SZT2: variants seen among roughly 807,000 people sequenced by gnomAD.
SZT2 encodes KICSTOR complex protein SZT2.
In SZT2, 216 loss-of-function variants were observed where a neutral mutation model predicts 404.2. The ratio of observed to expected loss-of-function variants is 0.53; its 90% CI spans 0.48 to 0.60. The LOEUF is 0.60. Ranked by LOEUF, SZT2 falls within the 20% of genes least tolerant of loss-of-function variation. SZT2 has a pLI of 0.00. For synonymous variants in SZT2, 1,693 were observed against 1,749.9 expected, an observed-to-expected ratio of 0.97 and a Z score of 0.81; for missense variants, 3,857 against 4,459.2, an observed-to-expected ratio of 0.86 and a Z score of 3.85.
At position 43,426,090 on chromosome 1, in the gene SZT2, C is replaced by A. The variant is rs760941623; in HGVS notation, c.2982C>A (p.Asp994Glu). ...TCVHEIPFHFDLMGLLPQCQQ... is the reference protein window; with the variant it reads ...TCVHEIPFHFELMGLLPQCQQ... ...TCCATGAGATCCCTTTCCATTTTGA[C>A]CTAATGGGATTGCTGCCACAGTGCC... The change falls in exon 21 of 72, where the codon GAC (aspartate) becomes GAA (glutamate). Residue 994 changes from aspartate (D) to glutamate (E), a missense_variant. Physicochemically the swap from Asp to Glu is conservative, Grantham distance 45 (BLOSUM62 2). Transcript: ENST00000634258. The surrounding 1 kb of genome is among the most constrained non-coding windows in gnomAD (Gnocchi z 4.9). 2.5e-6 allele frequency: 4 copies of A among 1,614,154 alleles called. No individual in the cohort carries two copies.
At chr1:43,446,781 A>G (rs1360017546) in intron 65 of SZT2, 174 bp from the exon 66 acceptor site, 2 of 672,674 alleles carry the variant, frequency 3.0e-6, no homozygotes, top group African/African-American at 3.6e-5. Context: ...CAGTATGAAA[A>G]AGGGAGGCTA....
Position 43,437,126 on chromosome 1 carries a change from G to T in SZT2, c.6035-45G>T, listed in dbSNP as rs748264075. 2.5e-6 allele frequency: 4 copies of T among 1,607,746 alleles called. No individual in the cohort carries two copies. Among genetic ancestry groups the T allele is most frequent in the African/African-American group, 1.3e-5 (1 of 74,886 alleles). On this transcript the variant is annotated intron_variant, in intron 42 of 71. Transcript: ENST00000634258. This position sits in a 1 kb window ranked among gnomAD's most constrained non-coding sequence, Gnocchi z 5.3. ...CCAGGTGAGAAGTCTGTGGAGGGCA[G>T]AGGGTGGTGTGTCCCATTTCTAATC...
In SZT2 at chr1:43,404,509, A is replaced by G; in HGVS notation, c.457A>G (p.Ile153Val). 6.2e-7 allele frequency: 1 copy of G among 1,613,886 alleles called. No individual in the cohort carries two copies. Among genetic ancestry groups the G allele is most frequent in the Admixed American group, 1.7e-5 (1 of 60,010 alleles). Reference sequence around the variant, plus strand: ...CTTCCAGCCTGAGATCTATGTAACTATCCAGGCCTACTCCTCCATCATTGG... The same window carrying G: ...CTTCCAGCCTGAGATCTATGTAACTGTCCAGGCCTACTCCTCCATCATTGG... ...IDFQPEIYVT[I>V]QAYSSIIGLQ... Residue 153 changes from isoleucine (I) to valine (V), a missense_variant, in exon 4 of 72, where the codon ATC becomes GTC. By Grantham distance (29) the Ile-to-Val change is conservative. Transcript: ENST00000634258.
intron 36 of SZT2, among the ~76,000 whole-genome samples, 181 bp downstream of exon 36, chr1:43,432,082 C>T (rs1653962607): frequency 6.6e-6 from 1 of 152,216 alleles, no homozygotes; most frequent in South Asian, 2.1e-4. Flanking sequence ...TGGAAAGAAA[C>T]CCAGCTCCCA....
chr1:43,452,524 C>T lies in SZT2; in HGVS notation c.*2044C>T. On this transcript the variant is annotated 3_prime_UTR_variant, in exon 72 of 72. Coordinates refer to ENST00000634258, the MANE Select transcript of SZT2 (RefSeq NM_001365999.1). ...GCCCTTTCCCAGACATCTCAGTGTC[C>T]ACCCACCGCCTCCTGCCTCCAGTAC... 2 of 666,250 alleles carry T rather than the reference C, an allele frequency of 3.0e-6. No homozygotes were observed. Among genetic ancestry groups the T allele is most frequent in the South Asian group, 3.2e-5 (2 of 61,550 alleles). The allele number at this position is 666,250 out of a possible 1,614,324, so 41.3% of individuals were successfully genotyped here.
At chr1:43,417,225 G>A (rs988170287) in intron 7 of SZT2, among the ~76,000 whole-genome samples, 1 of 152,162 alleles carries the variant, frequency 6.6e-6, no homozygotes, top group Admixed American at 6.5e-5. Flanking sequence ...GGGGGAAGTC[G>A]GGGAGGCTAC....
At chr1:43,443,300 A>G in intron 60 of SZT2, 33 bp downstream of exon 60, 1 of 1,614,088 alleles carries the variant, frequency 6.2e-7, no homozygotes. Flanking sequence ...TTCCTTGAGT[A>G]TCTGTGATCC....
Position 43,450,542 on chromosome 1 carries a change from G to C in SZT2, c.*62G>C. ...GAATCATGGGCCTACCAGATTGCCT[G>C]CCAGAGGCAGGACTGACCAGCCCTT... On this transcript the variant is annotated 3_prime_UTR_variant, in exon 72 of 72. Coordinates refer to ENST00000634258, the MANE Select transcript of SZT2 (RefSeq NM_001365999.1). The surrounding 1 kb of genome is among the most constrained non-coding windows in gnomAD (Gnocchi z 4.3). 6.2e-7 allele frequency: 1 copy of C among 1,604,278 alleles called. No homozygotes were observed. Among genetic ancestry groups the C allele is most frequent in the Non-Finnish European group, 8.5e-7 (1 of 1,174,198 alleles).
At chr1:43,422,972 A>G (rs1652593589) in intron 14 of SZT2, 89 bp downstream of exon 14, 1 of 1,479,232 alleles carries the variant, frequency 6.8e-7, no homozygotes, top group Non-Finnish European at 9.1e-7. Context: ...CAGGTCTAAT[A>G]GAGGGAGGAG....
chr1:43,429,987 A>C, intron 29 of SZT2, 24 bp from the exon 30 acceptor site: 1 of 1,613,696 alleles, frequency 6.2e-7, no homozygotes, highest in Admixed American at 1.7e-5. Flanking sequence ...TGACATTCTA[A>C]CCTCCTTCTA....
chr1:43,437,615 G>T lies in SZT2; in HGVS notation c.6311G>T (p.Ser2104Ile). ...YYLRLLETSC[S>I]DRPWKGDALP... ...CCCAGGCTCCTAGAGACATCCTGCA[G>T]TGACCGGCCATGGAAAGGGGATGCG... The change falls in exon 45 of 72, where the codon AGT becomes ATT. Residue 2104 changes from serine to isoleucine, a missense_variant. Ser to Ile is a moderately radical substitution (Grantham distance 142). Coordinates refer to ENST00000634258, the MANE Select transcript of SZT2 (RefSeq NM_001365999.1). The surrounding 1 kb of genome is among the most constrained non-coding windows in gnomAD (Gnocchi z 5.3). 1 of 1,614,120 alleles carries T rather than the reference G, an allele frequency of 6.2e-7. No individual in the cohort carries two copies. Among genetic ancestry groups the T allele is most frequent in the Non-Finnish European group, 8.5e-7 (1 of 1,180,012 alleles).
At chr1:43,395,369 C>T (rs528710983) in intron 1 of SZT2, among the ~76,000 whole-genome samples, 1 of 152,234 alleles carries the variant, frequency 6.6e-6, no homozygotes, top group East Asian at 1.9e-4. Flanking sequence ...ATGATCATGG[C>T]TCACTGAAGC....
Position 43,437,165 on chromosome 1 carries a change from A to T in SZT2, c.6035-6A>T. Reference sequence around the variant, plus strand: ...CCATTTCTAATCCCTGCTCCCCCTCACCCAGATTATGCTGCTGATGAGAGC... The same window carrying T: ...CCATTTCTAATCCCTGCTCCCCCTCTCCCAGATTATGCTGCTGATGAGAGC... On this transcript the variant is annotated splice_polypyrimidine_tract_variant and splice_region_variant and intron_variant, in intron 42 of 71. Transcript: ENST00000634258. This position sits in a 1 kb window ranked among gnomAD's most constrained non-coding sequence, Gnocchi z 5.3. The T allele has an allele frequency of 1.2e-6, 2 of 1,613,970 alleles. No individual in the cohort carries two copies. Among genetic ancestry groups the T allele is most frequent in the Non-Finnish European group, 1.7e-6 (2 of 1,179,954 alleles).
chr1:43,444,736 C>G (rs1011086384), intron 62 of SZT2, among the ~76,000 whole-genome samples: 3 of 152,192 alleles, frequency 2.0e-5, no homozygotes, highest in African/African-American at 7.2e-5. Flanking sequence ...GGCCCCTGCT[C>G]TATGTTCCTC....
intron 13 of SZT2, 58 bp downstream of exon 13, chr1:43,422,690 CATGTCT>C (rs1652542969): frequency 2.0e-5 from 24 of 1,224,642 alleles, no homozygotes; most frequent in East Asian, 1.6e-4. Context: ...CACCTCATCC[CATGTCT>C]CCCTCTAACC....
chr1:43,448,817 C>CT lies in SZT2; in HGVS notation c.10086+90dup, dbSNP rs1553156529. 7.8e-7 allele frequency: 1 copy of CT among 1,279,412 alleles called. No individual in the cohort carries two copies. The highest frequency in any genetic ancestry group is 1.1e-6 in the Non-Finnish European group (1 of 878,538). The allele number at this position is 1,279,412 out of a possible 1,614,324, so 79.3% of individuals were successfully genotyped here. A position where few individuals can be genotyped will look rare whatever the true frequency, so the allele number is the denominator to read the frequency against. On this transcript the variant is annotated intron_variant, in intron 70 of 71. Coordinates refer to ENST00000634258, the MANE Select transcript of SZT2 (RefSeq NM_001365999.1). The surrounding 1 kb of genome is among the most constrained non-coding windows in gnomAD (Gnocchi z 4.2). ...GCCCCTCAGCCTGACCAAACAAGCT[C>CT]TGCTCTGGAGGGAGGCCTAGACAGA...
In SZT2 at chr1:43,420,744, C is replaced by T; in HGVS notation, c.1262-5C>T. 1 of 1,598,288 alleles carries T rather than the reference C, an allele frequency of 6.3e-7. No homozygotes were observed. Among genetic ancestry groups the T allele is most frequent in the Non-Finnish European group, 8.5e-7 (1 of 1,179,710 alleles). ...TCCTAACTGGCCCTTCCGCTTCTCC[C>T]TAAGGAGGGTCCCAATTGGAGGTAA... On this transcript the variant is annotated splice_region_variant and splice_polypyrimidine_tract_variant and intron_variant, in intron 9 of 71. Coordinates refer to ENST00000634258, the MANE Select transcript of SZT2 (RefSeq NM_001365999.1). The surrounding 1 kb of genome is among the most constrained non-coding windows in gnomAD (Gnocchi z 5.1).
Position 43,451,419 on chromosome 1 carries a change from G to GA in SZT2, c.*940dup, listed in dbSNP as rs1187546268. 1.1e-5 allele frequency: 18 copies of GA among 1,612,918 alleles called. No individual in the cohort carries two copies. The highest frequency in any genetic ancestry group is 1.5e-5 in the Non-Finnish European group (18 of 1,180,026). On this transcript the variant is annotated 3_prime_UTR_variant, in exon 72 of 72. Coordinates refer to ENST00000634258, the MANE Select transcript of SZT2 (RefSeq NM_001365999.1). ...CAGGGCCACGCCTCACCTCGAGGCT[G>GA]ATACTCACAGCCCACGAAGCCTTTG...
chr1:43,394,114 G>A, intron 1 of SZT2: 2 of 983,084 alleles, frequency 2.0e-6, no homozygotes, highest in Non-Finnish European at 2.4e-6. Context: ...GAGTGTGGAT[G>A]CTCTGAGAAC....
Sources: allele counts gnomAD v4.1 joint callset (sites outside exome capture counted in the v4.1 genomes callset), GRCh38; gene constraint gnomAD v4.1.1; non-coding constraint Gnocchi (gnomAD v3.1); transcripts MANE v1.5; gene names NCBI Gene and HGNC (gene_info 2026-07-23, HGNC 2026-07-21).